Variants in MERTK observed in about 807,000 individuals in gnomAD.
MERTK encodes MER proto-oncogene, tyrosine kinase, also known as tyrosine-protein kinase Mer.
In MERTK, 69 loss-of-function variants were observed where a neutral mutation model predicts 99.3. The observed-to-expected ratio is 0.70, with a 90% CI of 0.57 to 0.85. The LOEUF is 0.85. Ranked by LOEUF, MERTK falls within the 40% of genes least tolerant of loss-of-function variation. The pLI, the probability that MERTK is intolerant of heterozygous loss-of-function variation, is 0.00. For synonymous variants in MERTK, 426 were observed against 467.6 expected, an observed-to-expected ratio of 0.91 and a Z score of 1.15; for missense variants, 1,125 against 1,249.4, an observed-to-expected ratio of 0.90 and a Z score of 1.50.
In MERTK at chr2:111,999,983, G is replaced by T. The variant is rs538921963; in HGVS notation, c.1605-1218G>T. Reference sequence around the variant, plus strand: ...AAGTACCTTCTCAAGGGTAGGGAGGGTGTATCATACAAAGTACATTCGCAA... The same window carrying T: ...AAGTACCTTCTCAAGGGTAGGGAGGTTGTATCATACAAAGTACATTCGCAA... On this transcript the variant is annotated intron_variant, in intron 10 of 18. Coordinates refer to ENST00000295408, the MANE Select transcript of MERTK (RefSeq NM_006343.3). Among the ~76,000 whole-genome samples, 55 of 152,268 alleles carry T rather than the reference G, an allele frequency of 3.6e-4. 1 individual carries two copies. Among genetic ancestry groups the T allele is most frequent in the South Asian group, 2.5e-3 (12 of 4,828 alleles).
At chr2:112,024,197 C>T (rs1001982401) in intron 18 of MERTK, among the ~76,000 whole-genome samples, 5 of 152,172 alleles carry the variant, frequency 3.3e-5, no homozygotes, top group African/African-American at 1.2e-4. Flanking sequence ...AATAAGGAAG[C>T]ATTTCAGTCA....
At position 111,911,997 on chromosome 2, in the gene MERTK, CTTTA is replaced by C. The variant is rs70962964; in HGVS notation, c.61+13223_61+13226del. 1.8e-4 allele frequency among the ~76,000 whole-genome samples: 26 copies of C among 148,340 alleles called. No individual in the cohort carries two copies. In the East Asian group the frequency reaches 3.5e-3, roughly 20 times the overall value. ...AGCCACTGTGCCTGGCTTCCAATCG[CTTTA>C]TTTATTTATTTATTTATTTATGACG... On this transcript the variant is annotated intron_variant, in intron 1 of 18. Coordinates refer to ENST00000295408, the MANE Select transcript of MERTK (RefSeq NM_006343.3).
intron 15 of MERTK, chr2:112,013,311 G>A (rs890842071): frequency 6.5e-6 from 1 of 154,334 alleles, no homozygotes. Flanking sequence ...ACAGGGCTGA[G>A]TATTTTCCTT....
intron 15 of MERTK, among the ~76,000 whole-genome samples, chr2:112,018,749 C>G (rs1370643696): frequency 1.3e-5 from 2 of 152,142 alleles, no homozygotes; most frequent in Non-Finnish European, 2.9e-5. Context: ...TCTAACACAG[C>G]AATCTAGTTT....
intron 15 of MERTK, chr2:112,015,789 A>G (rs6710591): frequency 0.62 from 94,903 of 154,062 alleles, 29,644 homozygotes; most frequent in African/African-American, 0.66. Context: ...TCTAAAGATT[A>G]TGTTCTTTTA....
intron 9 of MERTK, 140 bp from the exon 10 acceptor site, chr2:111,997,183 A>G: frequency 9.8e-7 from 1 of 1,023,060 alleles, no homozygotes. Context: ...CAGCTTACAC[A>G]AAGTGAGACC....
At chr2:111,974,064 G>T (rs1355149890) in intron 6 of MERTK, among the ~76,000 whole-genome samples, 2 of 151,076 alleles carry the variant, frequency 1.3e-5, no homozygotes, top group African/African-American at 4.9e-5. Context: ...TTCTGTTGGG[G>T]TCGAAGGGGT....
intron 15 of MERTK, among the ~76,000 whole-genome samples, chr2:112,017,140 AGTCCATTTTACAGAGTGCTGATTG>A (rs1415330216): frequency 1.3e-5 from 2 of 152,180 alleles, no homozygotes; most frequent in Non-Finnish European, 2.9e-5. Flanking sequence ...CCTGCTGATT[AGTCCATTTTACAGAGTGCTGATTG>A]GTCCATTTTA....
At chr2:112,007,634 C>T (rs910043750) in intron 13 of MERTK, among the ~76,000 whole-genome samples, 1 of 152,092 alleles carries the variant, frequency 6.6e-6, no homozygotes, top group Non-Finnish European at 1.5e-5. Context: ...GCTTGTTTCA[C>T]TTAGCATAAT....
chr2:112,013,420 C>T (rs1002177125), intron 15 of MERTK: 1 of 154,346 alleles, frequency 6.5e-6, no homozygotes, highest in Non-Finnish European at 1.5e-5. Flanking sequence ...CAATTGTTGG[C>T]GATTTCAGAC....
chr2:111,925,400 C>T (rs1436760910), intron 1 of MERTK, among the ~76,000 whole-genome samples: 2 of 139,694 alleles, frequency 1.4e-5, no homozygotes, highest in South Asian at 2.5e-4. Flanking sequence ...CTCCCGGGTT[C>T]AAGCGATTCT....
At chr2:111,912,979 C>T (rs780816772) in intron 1 of MERTK, 7 of 950,786 alleles carry the variant, frequency 7.4e-6, no homozygotes, top group Non-Finnish European at 8.8e-6. Context: ...CATCTATGAA[C>T]TGGGGACAAT....
intron 1 of MERTK, among the ~76,000 whole-genome samples, chr2:111,901,457 G>C (rs1382039981): frequency 6.6e-6 from 1 of 151,810 alleles, no homozygotes; most frequent in Non-Finnish European, 1.5e-5. Context: ...GGCTTCAAAT[G>C]CTTTTTGAAA....
At chr2:111,916,714 G>C (rs72823485) in intron 1 of MERTK, among the ~76,000 whole-genome samples, 3 of 151,964 alleles carry the variant, frequency 2.0e-5, no homozygotes, top group African/African-American at 7.3e-5. Flanking sequence ...TTTGATGTTG[G>C]CATTTCATTC....
At chr2:111,940,949 C>T in intron 2 of MERTK, 1 of 654,954 alleles carries the variant, frequency 1.5e-6, no homozygotes, top group Admixed American at 2.0e-5. Context: ...TCAAGCCAAA[C>T]AGTGAAGTTT....
intron 16 of MERTK, among the ~76,000 whole-genome samples, chr2:112,020,092 T>G (rs1235538857): frequency 6.6e-6 from 1 of 152,212 alleles, no homozygotes; most frequent in Admixed American, 6.5e-5. Context: ...AAGTTTTTTA[T>G]TGCAAGAAGA....
chr2:111,994,160 G>T, intron 8 of MERTK, 91 bp from the exon 9 acceptor site: 1 of 1,462,108 alleles, frequency 6.8e-7, no homozygotes, highest in South Asian at 1.1e-5. Context: ...GGACGTGGGC[G>T]GGATGGCTTC....
intron 8 of MERTK, among the ~76,000 whole-genome samples, chr2:111,987,340 T>C (rs1197279482): frequency 6.6e-6 from 1 of 152,250 alleles, no homozygotes; most frequent in Non-Finnish European, 1.5e-5. Context: ...TGGATATTTA[T>C]TATATCTCAA....
At chr2:112,018,477 C>T (rs745356217) in intron 15 of MERTK, among the ~76,000 whole-genome samples, 1 of 152,118 alleles carries the variant, frequency 6.6e-6, no homozygotes, top group Non-Finnish European at 1.5e-5. Context: ...ATGTAATTGA[C>T]ATGTGTCTTG....
Sources: gnomAD v4.1 joint callset for allele counts (sites outside exome capture counted in the v4.1 genomes callset) on GRCh38, gnomAD v4.1.1 for gene constraint, MANE v1.5 for transcripts, NCBI Gene and HGNC (gene_info 2026-07-23, HGNC 2026-07-21) for gene names.